The following TMTC3 variants were observed in gnomAD, a reference collection of about 807,000 sequenced individuals.
TMTC3 encodes the protein protein O-mannosyl-transferase TMTC3.
TMTC3 carries 52 observed loss-of-function variants against 92.2 expected under a neutral mutation model. The observed-to-expected ratio is 0.56, with a 90% CI of 0.45 to 0.71. TMTC3 has a LOEUF of 0.71. Among genes scored for constraint, TMTC3 ranks in the 30% least tolerant of loss-of-function variants. TMTC3 has a pLI of 0.00. For missense variants in TMTC3, 896 were observed against 1,057.1 expected (o/e 0.85, Z 2.11); for synonymous variants, 339 against 363.3 (o/e 0.93, Z 0.76).
At chr12:88,142,692 A>C (rs890271308) in intron 1 of TMTC3, among the ~76,000 whole-genome samples, 2 of 152,230 alleles carry the variant, frequency 1.3e-5, no homozygotes, top group Non-Finnish European at 2.9e-5. Flanking sequence ...AGCCTTGTTT[A>C]GTATCAGAAT....
chr12:88,180,715 C>G (rs2041308604), intron 10 of TMTC3, among the ~76,000 whole-genome samples: 1 of 152,112 alleles, frequency 6.6e-6, no homozygotes, highest in African/African-American at 2.4e-5. Context: ...CTAGCGACAC[C>G]ATAGTATGGT....
intron 1 of TMTC3, among the ~76,000 whole-genome samples, chr12:88,146,955 A>G (rs1346959298): frequency 6.7e-6 from 1 of 150,372 alleles, no homozygotes; most frequent in African/African-American, 2.4e-5. Context: ...AATTATAGTT[A>G]TGCAGCTAAT....
rs78652153 is a variant in TMTC3, at chr12:88,169,991, A to G, written c.1051-2606A>G. Among the ~76,000 whole-genome samples the G allele has an allele frequency of 3.9e-3, 598 of 151,930 alleles. 5 individuals carry two copies. Among genetic ancestry groups the G allele is most frequent in the African/African-American group, 0.014 (571 of 41,494 alleles). ...GAAAGAAAGACTCTGGAGGTGACTG[A>G]GTGGTTTGCCGTATGTAGGAAATGA... On this transcript the variant is annotated intron_variant, in intron 7 of 13. Coordinates refer to ENST00000266712, the MANE Select transcript of TMTC3 (RefSeq NM_181783.4).
chr12:88,196,316 T>A lies in TMTC3; in HGVS notation c.*667T>A, dbSNP rs1480468446. The A allele has an allele frequency of 1.3e-5, 2 of 152,436 alleles. No individual in the cohort carries two copies. Among genetic ancestry groups the A allele is most frequent in the Non-Finnish European group, 2.9e-5 (2 of 67,892 alleles). The allele number at this position is 152,436 out of a possible 1,614,324, so 9.4% of individuals were successfully genotyped here. ...CACATGTATAGCTACATACACACAT[T>A]TTTAATGGTGCTCATATATACTGTA... On this transcript the variant is annotated 3_prime_UTR_variant, in exon 14 of 14. Coordinates refer to ENST00000266712, the MANE Select transcript of TMTC3 (RefSeq NM_181783.4).
At chr12:88,148,217 C>A in intron 1 of TMTC3, 71 bp from the exon 2 acceptor site, 1 of 912,538 alleles carries the variant, frequency 1.1e-6, no homozygotes, top group Non-Finnish European at 1.7e-6. Context: ...CAATTACTTA[C>A]CCACCTACTA....
chr12:88,183,529 T>A lies in TMTC3; in HGVS notation c.1433-5314T>A, dbSNP rs553661698. ...CAAAACCTCTGTTTCCCCTTTGGTA[T>A]TTTTGCCCTTTACTGGTGGGGCTGA... On this transcript the variant is annotated intron_variant, in intron 10 of 13. Transcript: ENST00000266712. 2.6e-5 allele frequency among the ~76,000 whole-genome samples: 4 copies of A among 152,202 alleles called. No homozygotes were observed. The East Asian group carries it at 7.8e-4, about 30-fold the overall frequency.
In TMTC3 at chr12:88,199,305, A is replaced by C. The variant is rs1356480528; in HGVS notation, c.*3656A>C. On this transcript the variant is annotated 3_prime_UTR_variant, in exon 14 of 14. Coordinates refer to ENST00000266712, the MANE Select transcript of TMTC3 (RefSeq NM_181783.4). ...GAAATTGTTCTACCTATATGTCCTC[A>C]GTTTCTTCATCTACAAGTTGGGAAA... The C allele has an allele frequency of 6.6e-6, 1 of 152,034 alleles. No individual in the cohort carries two copies. The highest frequency in any genetic ancestry group is 1.9e-4 in the East Asian group (1 of 5,202). The allele number at this position is 152,034 out of a possible 1,614,324, so 9.4% of individuals were successfully genotyped here. A position where few individuals can be genotyped will look rare whatever the true frequency, so the allele number is the denominator to read the frequency against.
chr12:88,176,838 A>C (rs2041265038), intron 10 of TMTC3, among the ~76,000 whole-genome samples: 1 of 152,064 alleles, frequency 6.6e-6, no homozygotes, highest in Admixed American at 6.6e-5. Context: ...GTTGTGTGGC[A>C]TGGATATGGA....
intron 10 of TMTC3, among the ~76,000 whole-genome samples, chr12:88,185,494 A>C (rs982576811): frequency 1.3e-5 from 2 of 152,122 alleles, no homozygotes; most frequent in Non-Finnish European, 2.9e-5. Flanking sequence ...CTGTTGATGG[A>C]TGTTTGGATT....
chr12:88,182,296 T>C (rs2041326794), intron 10 of TMTC3, among the ~76,000 whole-genome samples: 1 of 152,230 alleles, frequency 6.6e-6, no homozygotes, highest in Non-Finnish European at 1.5e-5. Context: ...GTCTGTGCAA[T>C]CTAGTTACCT....
intron 10 of TMTC3, among the ~76,000 whole-genome samples, chr12:88,177,951 A>T (rs2041277574): frequency 6.6e-6 from 1 of 152,246 alleles, no homozygotes; most frequent in African/African-American, 2.4e-5. Flanking sequence ...AAGTAATGTT[A>T]GAGAAAGCAA....
At chr12:88,181,465 G>A (rs2041317408) in intron 10 of TMTC3, among the ~76,000 whole-genome samples, 1 of 152,002 alleles carries the variant, frequency 6.6e-6, no homozygotes, top group African/African-American at 2.4e-5. Context: ...CTTCAGTTTT[G>A]GTGGAAAAAT....
intron 10 of TMTC3, among the ~76,000 whole-genome samples, chr12:88,187,366 C>G (rs2041389749): frequency 6.6e-6 from 1 of 152,028 alleles, no homozygotes; most frequent in African/African-American, 2.4e-5. Flanking sequence ...ATCAGAATTG[C>G]CTTTGACACT....
rs541091301 is a variant in TMTC3, at chr12:88,181,324, G to A, written c.1432+5005G>A. ...TGAATAACATTTGTTTGCCATAACC[G>A]ATTAGGTTCTAGTCCTCTAGGGTTA... On this transcript the variant is annotated intron_variant, in intron 10 of 13. Transcript: ENST00000266712. Among the ~76,000 whole-genome samples the A allele has an allele frequency of 1.7e-4, 26 of 152,238 alleles. 1 individual carries two copies. The highest frequency in any genetic ancestry group is 9.2e-4 in the Admixed American group (14 of 15,292).
intron 6 of TMTC3, among the ~76,000 whole-genome samples, chr12:88,163,016 A>G (rs2041098386): frequency 6.6e-6 from 1 of 151,974 alleles, no homozygotes; most frequent in Non-Finnish European, 1.5e-5. Flanking sequence ...CCCAGGTTTA[A>G]ACGATTCTCC....
chr12:88,153,952 C>A (rs2040975409), intron 3 of TMTC3, among the ~76,000 whole-genome samples: 1 of 151,784 alleles, frequency 6.6e-6, no homozygotes, highest in Admixed American at 6.6e-5. Context: ...GTAAGAAGTA[C>A]TTAAGTTCTA....
chr12:88,181,846 T>C (rs1285748924), intron 10 of TMTC3, among the ~76,000 whole-genome samples: 1 of 152,176 alleles, frequency 6.6e-6, no homozygotes, highest in African/African-American at 2.4e-5. Flanking sequence ...AATAGCCACT[T>C]TTCCATTTTT....
At chr12:88,146,810 T>C (rs2040881417) in intron 1 of TMTC3, among the ~76,000 whole-genome samples, 1 of 150,614 alleles carries the variant, frequency 6.6e-6, no homozygotes, top group Admixed American at 6.6e-5. Flanking sequence ...TTATAAAAAT[T>C]CCAATACTAT....
intron 10 of TMTC3, 95 bp from the exon 11 acceptor site, chr12:88,188,748 C>A: frequency 1.6e-6 from 1 of 631,432 alleles, no homozygotes; most frequent in Non-Finnish European, 2.6e-6. Context: ...ACATTGAATA[C>A]TTGTTTATAT....
Sources: gnomAD v4.1 joint callset for allele counts (sites outside exome capture counted in the v4.1 genomes callset) on GRCh38, gnomAD v4.1.1 for gene constraint, MANE v1.5 for transcripts, NCBI Gene and HGNC (gene_info 2026-07-23, HGNC 2026-07-21) for gene names.